The following ZNF728 variants were observed in gnomAD, a reference collection of about 807,000 sequenced individuals.
The protein encoded by ZNF728 is zinc finger protein 728.
In ZNF728, 12 loss-of-function variants were observed where a neutral mutation model predicts 12.5. That is an observed-to-expected ratio of 0.96 (90% CI 0.61 to 1.55). The LOEUF (loss-of-function observed/expected upper bound fraction) is 1.55. Ranked by LOEUF, ZNF728 falls within the 40% of genes most tolerant of loss-of-function variation. The pLI is 0.00. For synonymous variants in ZNF728, 205 were observed against 240.7 expected (o/e 0.85, Z 1.37); for missense variants, 692 against 719.2 (o/e 0.96, Z 0.43).
At chr19:22,977,185 A>T (rs1968816309) in intron 3 of ZNF728, 75 bp from the exon 4 acceptor site, 3 of 1,337,750 alleles carry the variant, frequency 2.2e-6, no homozygotes, top group Non-Finnish European at 2.0e-6. Context: ...CTATAAAATT[A>T]TTCAAACTAC....
intron 3 of ZNF728, among the ~76,000 whole-genome samples, chr19:22,986,216 A>G (rs1473602138): frequency 2.0e-5 from 3 of 152,208 alleles, no homozygotes; most frequent in East Asian, 3.9e-4. Flanking sequence ...CCAATGGAAA[A>G]GTATATTGTG....
At chr19:22,982,245 T>C (rs1968867982) in intron 3 of ZNF728, among the ~76,000 whole-genome samples, 1 of 152,168 alleles carries the variant, frequency 6.6e-6, no homozygotes, top group Non-Finnish European at 1.5e-5. Context: ...AGCCAAATCA[T>C]GACTGAGCTC....
At chr19:23,001,518 T>C (rs1308042546) in intron 1 of ZNF728, among the ~76,000 whole-genome samples, 1 of 152,152 alleles carries the variant, frequency 6.6e-6, no homozygotes, top group Non-Finnish European at 1.5e-5. Flanking sequence ...CTCACAGACA[T>C]AGCCATGGCG....
intron 3 of ZNF728, among the ~76,000 whole-genome samples, chr19:22,978,302 T>TAAAA (rs35513624): frequency 0.019 from 2,412 of 127,930 alleles, 75 homozygotes; most frequent in African/African-American, 0.062. Context: ...GTCAAAGTCC[T>TAAAA]AAAAAAAAAA....
At chr19:23,000,204 C>T (rs1413379201) in intron 1 of ZNF728, among the ~76,000 whole-genome samples, 3 of 151,836 alleles carry the variant, frequency 2.0e-5, no homozygotes, top group Non-Finnish European at 4.4e-5. Context: ...GGCGAAACCC[C>T]GTCTCTACTA....
rs1352941003 is a variant in ZNF728, at chr19:22,975,964, CCA to C, written c.1371_1372del (p.Cys457TrpfsTer14). On this transcript the variant is annotated frameshift_variant, in exon 4 of 4. Transcript: ENST00000594710. LOFTEE classifies it low-confidence loss of function (END_TRUNC). ...GCTTGAGGACCAGCTGAAGACTTTG[CCA>C]CATTCTTCACATTTGTAGTGTTTCT... 1 of 1,612,724 alleles carries C rather than the reference CCA, an allele frequency of 6.2e-7. No homozygotes were observed. Among genetic ancestry groups the C allele is most frequent in the African/African-American group, 1.3e-5 (1 of 74,866 alleles).
chr19:22,989,051 C>CAAAAAAAAA (rs68080575), intron 1 of ZNF728, among the ~76,000 whole-genome samples: 1 of 50,170 alleles, frequency 2.0e-5, no homozygotes, highest in African/African-American at 6.4e-5. Flanking sequence ...AACTCCATCT[C>CAAAAAAAAA]AAAAAAAAAA....
At chr19:22,992,805 G>A (rs1969005195) in intron 1 of ZNF728, among the ~76,000 whole-genome samples, 1 of 152,102 alleles carries the variant, frequency 6.6e-6, no homozygotes, top group African/African-American at 2.4e-5. Context: ...ATTCTGTTCT[G>A]GACATTCTCA....
intron 1 of ZNF728, among the ~76,000 whole-genome samples, chr19:22,991,070 C>T (rs1968982248): frequency 6.6e-6 from 1 of 152,216 alleles, no homozygotes; most frequent in Admixed American, 6.5e-5. Context: ...ACACCCAGCA[C>T]TCTTGTCACA....
chr19:22,978,545 AC>A (rs1472959110), intron 3 of ZNF728, among the ~76,000 whole-genome samples: 1 of 152,200 alleles, frequency 6.6e-6, no homozygotes, highest in Non-Finnish European at 1.5e-5. Context: ...GGTCCCTGAC[AC>A]CCATGTCTCC....
chr19:22,992,991 G>A (rs1969006935), intron 1 of ZNF728, among the ~76,000 whole-genome samples: 1 of 152,146 alleles, frequency 6.6e-6, no homozygotes, highest in Non-Finnish European at 1.5e-5. Flanking sequence ...GTCCTGATTT[G>A]CTAGCTGGTG....
chr19:22,978,000 A>G (rs1968824182), intron 3 of ZNF728, among the ~76,000 whole-genome samples: 1 of 152,122 alleles, frequency 6.6e-6, no homozygotes, highest in South Asian at 2.1e-4. Flanking sequence ...AAAAATGAGG[A>G]TAAGAACAAA....
At chr19:23,002,454 T>C (rs1376837398) in intron 1 of ZNF728, among the ~76,000 whole-genome samples, 1 of 152,212 alleles carries the variant, frequency 6.6e-6, no homozygotes, top group African/African-American at 2.4e-5. Context: ...ATTAAGAAAC[T>C]ACGTAACTGT....
Position 22,975,503 on chromosome 19 carries a change from T to C in ZNF728, c.1834A>G (p.Arg612Gly). The change falls in exon 4 of 4, where the codon AGA becomes GGA. Residue 612 changes from arginine to glycine, a missense_variant. Arg to Gly is a moderately radical substitution (Grantham distance 125). This residue lies in a region of ZNF728 where 244 missense variants were observed against 235.2 expected (regional missense o/e 1.04). Coordinates refer to ENST00000594710, the MANE Select transcript of ZNF728 (RefSeq NM_001267716.2). ...NQSSHLTTHK[R>G]IHTGGKTLQM ...AGGGTTTTTCCTCCAGTATGAATTCTCTTATGAGTAGTAAGGTGTGAGGAT... is the reference window on the plus strand; with the variant it reads ...AGGGTTTTTCCTCCAGTATGAATTCCCTTATGAGTAGTAAGGTGTGAGGAT... 9.0e-6 allele frequency: 14 copies of C among 1,551,662 alleles called. No individual in the cohort carries two copies. The highest frequency in any genetic ancestry group is 1.2e-5 in the Non-Finnish European group (14 of 1,153,256).
intron 1 of ZNF728, among the ~76,000 whole-genome samples, chr19:22,991,367 A>C (rs1968985767): frequency 6.6e-6 from 1 of 152,146 alleles, no homozygotes; most frequent in African/African-American, 2.4e-5. Context: ...CAGCATTTTT[A>C]TTTCTATTTC....
intron 1 of ZNF728, among the ~76,000 whole-genome samples, chr19:23,001,123 C>G (rs934763445): frequency 6.6e-6 from 1 of 152,126 alleles, no homozygotes; most frequent in Admixed American, 6.5e-5. Context: ...TCACTGGGGT[C>G]AGTTGTTTTT....
In ZNF728 at chr19:22,976,704, GT is replaced by G. The variant is rs774100133; in HGVS notation, c.632del (p.Asn211ThrfsTer38). ...YKSEEHGKAF[N>X]WSSALTYKRI... is the part of the protein sequence containing the mutation. Reference sequence around the variant, plus strand: ...TCTTATAAGTAAGGGCTGAGGACCAGTTAAAGGCTTTGCCATGTTCTTCACT... The same window carrying G: ...TCTTATAAGTAAGGGCTGAGGACCAGTAAAGGCTTTGCCATGTTCTTCACT... On this transcript the variant is annotated frameshift_variant, in exon 4 of 4. Coordinates refer to ENST00000594710, the MANE Select transcript of ZNF728 (RefSeq NM_001267716.2). LOFTEE classifies it low-confidence loss of function (END_TRUNC). The G allele has an allele frequency of 7.9e-5, 128 of 1,613,070 alleles. 1 individual carries two copies. In the Admixed American group the frequency reaches 2.1e-3, roughly 27 times the overall value.
chr19:22,976,584 A>C lies in ZNF728; in HGVS notation c.753T>G (p.Thr251=), dbSNP rs569720847. 1.1e-5 allele frequency: 18 copies of C among 1,611,194 alleles called. No homozygotes were observed. The highest frequency in any genetic ancestry group is 9.9e-5 in the South Asian group (9 of 91,034). The part of the protein sequence containing the change: ...SILTKHKVIH[T]GEKHYKCEEC... ...CTTCACATTTGTAATGTTTCTCTCC[A>C]GTATGAATTACCTTATGCTTAGTAA... The change falls in exon 4 of 4, where the codon ACT becomes ACG. Residue 251 remains threonine, a synonymous_variant. Transcript: ENST00000594710.
At position 22,975,370 on chromosome 19, in the gene ZNF728, AT is replaced by A; in HGVS notation, c.*97del. 8 of 1,145,254 alleles carry A rather than the reference AT, an allele frequency of 7.0e-6. No homozygotes were observed. Among genetic ancestry groups the A allele is most frequent in the Non-Finnish European group, 9.9e-6 (8 of 806,082 alleles). The allele number at this position is 1,145,254 out of a possible 1,614,324, so 70.9% of individuals were successfully genotyped here. On this transcript the variant is annotated 3_prime_UTR_variant, in exon 4 of 4. Transcript: ENST00000594710. Reference sequence around the variant, plus strand: ...GTAAGGATTGAGGAACAGTTAAAAAATTTGCCACATTCTTCACATTTGTAGG... The same window carrying A: ...GTAAGGATTGAGGAACAGTTAAAAAATTGCCACATTCTTCACATTTGTAGG...
Sources: allele counts gnomAD v4.1 joint callset (sites outside exome capture counted in the v4.1 genomes callset), GRCh38; gene constraint gnomAD v4.1.1; regional missense constraint gnomAD v4.1.1; transcripts MANE v1.5; gene names NCBI Gene and HGNC (gene_info 2026-07-23, HGNC 2026-07-21).